Variants in PBX1 observed in about 807,000 individuals in gnomAD.
The protein encoded by PBX1 is PBX homeobox 1.
A neutral mutation model predicts 53.4 loss-of-function variants in PBX1; 6 were observed. The ratio of observed to expected loss-of-function variants is 0.11; its 90% CI spans 0.06 to 0.22. The LOEUF (loss-of-function observed/expected upper bound fraction) is 0.22. Ranked by LOEUF, PBX1 falls within the 10% of genes least tolerant of loss-of-function variation. The pLI is 1.00. For missense variants in PBX1, 251 were observed against 551.4 expected (o/e 0.46, Z 5.46); for synonymous variants, 204 against 212.3 (o/e 0.96, Z 0.34).
intron 2 of PBX1, among the ~76,000 whole-genome samples, chr1:164,588,226 A>T (rs1256118294): frequency 1.3e-5 from 2 of 152,240 alleles, no homozygotes; most frequent in Admixed American, 1.3e-4. Flanking sequence ...ACCCGCCTGT[A>T]GAGCACAATA....
intron 2 of PBX1, among the ~76,000 whole-genome samples, chr1:164,687,778 T>C (rs899126096): frequency 3.9e-5 from 6 of 152,166 alleles, no homozygotes; most frequent in African/African-American, 1.2e-4. Flanking sequence ...ATAACCAGCA[T>C]TGGCTTCTGG....
chr1:164,799,903 G>A lies in PBX1; in HGVS notation c.701+14G>A. Reference sequence around the variant, plus strand: ...TCTGGATGCGCGGTGAGTCTCCCATGGGGCTGTCCTGCCCTCTCTGGGAGT... The same window carrying A: ...TCTGGATGCGCGGTGAGTCTCCCATAGGGCTGTCCTGCCCTCTCTGGGAGT... On this transcript the variant is annotated intron_variant, in intron 4 of 8. Transcript: ENST00000420696. 1 of 1,603,296 alleles carries A rather than the reference G, an allele frequency of 6.2e-7. No homozygotes were observed. Among genetic ancestry groups the A allele is most frequent in the South Asian group, 1.1e-5 (1 of 90,146 alleles).
Position 164,713,996 on chromosome 1 carries a change from G to C in PBX1, c.266-78498G>C, listed in dbSNP as rs570589585. On this transcript the variant is annotated intron_variant, in intron 2 of 8. Transcript: ENST00000420696. ...CGTGTTGCAAAATGGCCAGCTGACT[G>C]GCAATTTAGGAGACATCATCCAAGT... Among the ~76,000 whole-genome samples, 29 of 152,348 alleles carry C rather than the reference G, an allele frequency of 1.9e-4. 1 individual carries two copies. The South Asian group carries it at 5.8e-3, about 30-fold the overall frequency.
In PBX1 at chr1:164,849,356, C is replaced by T; in HGVS notation, c.*2680C>T. 6.5e-7 allele frequency: 1 copy of T among 1,535,664 alleles called. No homozygotes were observed. The highest frequency in any genetic ancestry group is 8.7e-7 in the Non-Finnish European group (1 of 1,146,802). Reference sequence around the variant, plus strand: ...TATACCCAGCACCTCCCCCGGCACCCCCGGCAAGCCCACTATCACTTCCGA... The same window carrying T: ...TATACCCAGCACCTCCCCCGGCACCTCCGGCAAGCCCACTATCACTTCCGA... On this transcript the variant is annotated 3_prime_UTR_variant, in exon 9 of 9. Coordinates refer to ENST00000420696, the MANE Select transcript of PBX1 (RefSeq NM_002585.4).
At chr1:164,580,173 CTG>C (rs1213391670) in intron 2 of PBX1, among the ~76,000 whole-genome samples, 1 of 152,234 alleles carries the variant, frequency 6.6e-6, no homozygotes, top group Non-Finnish European at 1.5e-5. Context: ...TATCTCATGA[CTG>C]TGGCTGGCTG....
At chr1:164,864,063 ATG>A (rs1272391301) in intron 2 of PBX1, among the ~76,000 whole-genome samples, 3 of 152,310 alleles carry the variant, frequency 2.0e-5, no homozygotes, top group African/African-American at 7.2e-5. Flanking sequence ...AAATAGAAAA[ATG>A]ACCCTAAGTG....
intron 8 of PBX1, chr1:164,828,340 A>G (rs1244608516): frequency 6.6e-6 from 1 of 152,148 alleles, no homozygotes; most frequent in Admixed American, 6.6e-5. Flanking sequence ...TCAGTTTCTC[A>G]TGATAGGACT....
At chr1:164,737,305 T>C (rs1245619669) in intron 2 of PBX1, among the ~76,000 whole-genome samples, 2 of 152,156 alleles carry the variant, frequency 1.3e-5, no homozygotes, top group African/African-American at 4.8e-5. Context: ...AAAAACTAAA[T>C]TAGGATGAAA....
chr1:164,836,479 G>A (rs987322968), intron 8 of PBX1, among the ~76,000 whole-genome samples: 1 of 152,118 alleles, frequency 6.6e-6, no homozygotes, highest in African/African-American at 2.4e-5. Flanking sequence ...TTTCTAGGGT[G>A]GTGTCAAGTG....
chr1:164,784,659 T>G (rs201498165), intron 2 of PBX1, among the ~76,000 whole-genome samples: 1 of 152,238 alleles, frequency 6.6e-6, no homozygotes, highest in East Asian at 1.9e-4. Context: ...TTGTGGCTGT[T>G]GGCTAAATGT....
intron 2 of PBX1, among the ~76,000 whole-genome samples, chr1:164,654,239 TTA>T (rs1198895480): frequency 1.3e-5 from 2 of 152,176 alleles, no homozygotes; most frequent in African/African-American, 4.8e-5. Flanking sequence ...CCAGGTTCCC[TTA>T]CTTATAATGT....
chr1:164,740,545 C>G (rs1330208091), intron 2 of PBX1, among the ~76,000 whole-genome samples: 3 of 151,968 alleles, frequency 2.0e-5, no homozygotes, highest in Non-Finnish European at 4.4e-5. Flanking sequence ...GGCTGAACCC[C>G]TCAAAGCTCA....
At position 164,848,196 on chromosome 1, in the gene PBX1, A is replaced by G; in HGVS notation, c.*1520A>G. ...TTTATTCCCTGGGAACACAGCGTGT[A>G]CTAAAAATACATGAGAAAATAGCAT... On this transcript the variant is annotated 3_prime_UTR_variant, in exon 9 of 9. Transcript: ENST00000420696. 4 of 1,050,210 alleles carry G rather than the reference A, an allele frequency of 3.8e-6. No individual in the cohort carries two copies. The highest frequency in any genetic ancestry group is 4.6e-6 in the Non-Finnish European group (4 of 869,756). The allele number at this position is 1,050,210 out of a possible 1,614,324, so 65.1% of individuals were successfully genotyped here.
intron 2 of PBX1, among the ~76,000 whole-genome samples, chr1:164,608,000 T>G (rs1449364176): frequency 6.6e-6 from 1 of 152,216 alleles, no homozygotes; most frequent in Non-Finnish European, 1.5e-5. Context: ...TTCATCTTTG[T>G]GCATAGGCCA....
rs1040271723 is a variant in PBX1, at chr1:164,750,620, G to A, written c.266-41874G>A. Reference sequence around the variant, plus strand: ...CTGCCCTTGGTTAGCACCAGTGGGGGCAGAGACAGTCAGAAGTAGCTTTCA... The same window carrying A: ...CTGCCCTTGGTTAGCACCAGTGGGGACAGAGACAGTCAGAAGTAGCTTTCA... On this transcript the variant is annotated intron_variant, in intron 2 of 8. Transcript: ENST00000420696. Among the ~76,000 whole-genome samples the A allele has an allele frequency of 2.6e-5, 4 of 152,200 alleles. No homozygotes were observed. In the East Asian group the frequency reaches 5.8e-4, roughly 22 times the overall value.
At chr1:164,581,217 C>A (rs1654592764) in intron 2 of PBX1, among the ~76,000 whole-genome samples, 1 of 151,714 alleles carries the variant, frequency 6.6e-6, no homozygotes, top group African/African-American at 2.4e-5. Context: ...TCCAGCAGCT[C>A]CCCGACCGCC....
intron 2 of PBX1, among the ~76,000 whole-genome samples, chr1:164,735,924 A>T (rs1022573141): frequency 3.3e-5 from 5 of 152,188 alleles, no homozygotes; most frequent in South Asian, 2.1e-4. Context: ...AGTAGCCACT[A>T]CAGGCCACAG....
chr1:164,579,526 T>C (rs1313709698), intron 2 of PBX1, among the ~76,000 whole-genome samples: 1 of 152,174 alleles, frequency 6.6e-6, no homozygotes, highest in African/African-American at 2.4e-5. Flanking sequence ...TGGATCAAAC[T>C]GGTCTAGGAG....
chr1:164,650,693 G>T (rs1035497272), intron 2 of PBX1, among the ~76,000 whole-genome samples: 3 of 152,040 alleles, frequency 2.0e-5, no homozygotes, highest in African/African-American at 7.2e-5. Context: ...TGAGAACAGG[G>T]CCCTTGCTCC....
Sources: gnomAD v4.1 joint callset for allele counts (sites outside exome capture counted in the v4.1 genomes callset) on GRCh38, gnomAD v4.1.1 for gene constraint, MANE v1.5 for transcripts, NCBI Gene and HGNC (gene_info 2026-07-23, HGNC 2026-07-21) for gene names.